Variants in TCEANC2 observed in about 807,000 individuals in gnomAD.
TCEANC2 encodes transcription elongation factor A N-terminal and central domain-containing protein 2.
Under a neutral mutation model 22.8 loss-of-function variants are expected in TCEANC2, and 20 were observed. The ratio of observed to expected loss-of-function variants is 0.88; its 90% confidence interval spans 0.62 to 1.28. The LOEUF is 1.28. Ranked by LOEUF, TCEANC2 falls within the 50% of genes most tolerant of loss-of-function variation. The pLI is 0.00. For synonymous variants in TCEANC2, 84 were observed against 95.5 expected, an observed-to-expected ratio of 0.88 and a Z score of 0.70; for missense variants, 251 against 249.7, an observed-to-expected ratio of 1.01 and a Z score of -0.03.
rs527955416 is a variant in TCEANC2, at chr1:54,098,518, T to C, written c.*2045T>C. Reference sequence around the variant, plus strand: ...CTATTCTTTAATGCTGTACCTAGCTTTATTTTTCTTCAGAATATTTATTAC... The same window carrying C: ...CTATTCTTTAATGCTGTACCTAGCTCTATTTTTCTTCAGAATATTTATTAC... On this transcript the variant is annotated 3_prime_UTR_variant, in exon 5 of 5. Transcript: ENST00000234827. The C allele has an allele frequency of 5.9e-5, 9 of 152,354 alleles. No homozygotes were observed. The highest frequency in any genetic ancestry group is 1.9e-4 in the African/African-American group (8 of 41,578). The allele number at this position is 152,354 out of a possible 1,614,324, so 9.4% of individuals were successfully genotyped here.
At position 54,096,138 on chromosome 1, in the gene TCEANC2, C is replaced by G; in HGVS notation, c.439-147C>G. 1 of 1,302,038 alleles carries G rather than the reference C, an allele frequency of 7.7e-7. No homozygotes were observed. Among genetic ancestry groups the G allele is most frequent in the Non-Finnish European group, 1.0e-6 (1 of 978,454 alleles). The allele number at this position is 1,302,038 out of a possible 1,614,324, so 80.7% of individuals were successfully genotyped here. A position where few individuals can be genotyped will look rare whatever the true frequency, so the allele number is the denominator to read the frequency against. On this transcript the variant is annotated intron_variant, in intron 4 of 4. Transcript: ENST00000234827. The surrounding 1 kb of genome is among the most constrained non-coding windows in gnomAD (Gnocchi z 4.9). ...TAATTGCCAGGGTGGAATTAATTTGCTCTTCCTGTTTCTCTTGTGACAGGA... is the reference window on the plus strand; with the variant it reads ...TAATTGCCAGGGTGGAATTAATTTGGTCTTCCTGTTTCTCTTGTGACAGGA...
intron 2 of TCEANC2, among the ~76,000 whole-genome samples, chr1:54,063,320 A>G (rs1657892116): frequency 2.0e-5 from 3 of 152,304 alleles, no homozygotes; most frequent in Non-Finnish European, 4.4e-5. Context: ...AGATGGAAAA[A>G]GAGTGGACAA....
At chr1:54,072,752 T>C (rs1658081788) in intron 3 of TCEANC2, among the ~76,000 whole-genome samples, 1 of 152,174 alleles carries the variant, frequency 6.6e-6, no homozygotes, top group Non-Finnish European at 1.5e-5. Context: ...AAATGTTTTT[T>C]ATAAATTTTT....
intron 4 of TCEANC2, chr1:54,089,999 C>T: frequency 1.5e-6 from 1 of 678,732 alleles, no homozygotes; most frequent in South Asian, 1.6e-5. Context: ...GAACCACTTT[C>T]TGTATTGCTA....
intron 3 of TCEANC2, among the ~76,000 whole-genome samples, chr1:54,081,101 C>T (rs1419151833): frequency 1.3e-5 from 2 of 152,284 alleles, no homozygotes; most frequent in South Asian, 4.1e-4. Context: ...CAAGTTACCT[C>T]GCCTCTCAGT....
At chr1:54,065,131 AACAGGT>A (rs1657926047) in intron 2 of TCEANC2, among the ~76,000 whole-genome samples, 1 of 152,242 alleles carries the variant, frequency 6.6e-6, no homozygotes, top group African/African-American at 2.4e-5. Flanking sequence ...ATGAAAAGAG[AACAGGT>A]AAGTTTGGAG....
chr1:54,090,328 A>G (rs540278519), intron 4 of TCEANC2, among the ~76,000 whole-genome samples: 2 of 152,358 alleles, frequency 1.3e-5, no homozygotes, highest in East Asian at 3.9e-4. Flanking sequence ...TTGTTAACAC[A>G]TTGGCACATT....
At chr1:54,070,909 G>A (rs1476831224) in intron 3 of TCEANC2, among the ~76,000 whole-genome samples, 1 of 152,188 alleles carries the variant, frequency 6.6e-6, no homozygotes, top group Non-Finnish European at 1.5e-5. Context: ...ATCATACAAT[G>A]TGATGAGTGC....
intron 3 of TCEANC2, among the ~76,000 whole-genome samples, chr1:54,077,160 G>A (rs1264056111): frequency 6.6e-6 from 1 of 152,132 alleles, no homozygotes; most frequent in Non-Finnish European, 1.5e-5. Flanking sequence ...GACCATAGAG[G>A]TGAGGGAAAA....
chr1:54,069,407 A>G (rs971742858), intron 3 of TCEANC2, among the ~76,000 whole-genome samples: 6 of 152,164 alleles, frequency 3.9e-5, no homozygotes, highest in South Asian at 4.1e-4. Context: ...CAGGAGTCCA[A>G]GACCAGCCAG....
intron 3 of TCEANC2, among the ~76,000 whole-genome samples, chr1:54,079,968 A>T (rs1658207649): frequency 6.6e-6 from 1 of 152,126 alleles, no homozygotes; most frequent in Non-Finnish European, 1.5e-5. Flanking sequence ...AAAATCTGAC[A>T]GAAGTGCCAG....
At chr1:54,084,671 G>A (rs912914009) in intron 3 of TCEANC2, among the ~76,000 whole-genome samples, 2 of 151,924 alleles carry the variant, frequency 1.3e-5, no homozygotes, top group Non-Finnish European at 2.9e-5. Context: ...AGACCAGCCT[G>A]GCCAACATGG....
At chr1:54,110,807 T>C (rs895002128), downstream of TCEANC2, among the ~76,000 whole-genome samples, 1 of 152,040 alleles carries the variant, frequency 6.6e-6, no homozygotes, top group African/African-American at 2.4e-5. Context: ...TACCCCTTCC[T>C]TGGGGCAGCT....
chr1:54,086,005 A>G lies in TCEANC2; in HGVS notation c.245-2592A>G, dbSNP rs561289983. On this transcript the variant is annotated intron_variant, in intron 3 of 4. Coordinates refer to ENST00000234827, the MANE Select transcript of TCEANC2 (RefSeq NM_153035.3). ...CATCTTGGCATCGCAAAGTGTTGAG[A>G]TTATAGGCATGAGCCACTGCACCCA... is the stretch of plus-strand genomic sequence containing the variant. 8.3e-4 allele frequency among the ~76,000 whole-genome samples: 127 copies of G among 152,268 alleles called. 1 individual carries two copies. The highest frequency in any genetic ancestry group is 3.0e-3 in the African/African-American group (123 of 41,556).
intron 2 of TCEANC2, among the ~76,000 whole-genome samples, chr1:54,062,336 A>G (rs959438790): frequency 6.6e-6 from 1 of 152,224 alleles, no homozygotes; most frequent in African/African-American, 2.4e-5. Context: ...TAATTTGAGC[A>G]ATCTATTTTC....
intron 2 of TCEANC2, among the ~76,000 whole-genome samples, chr1:54,060,085 G>A (rs115785778): frequency 0.022 from 3,411 of 152,156 alleles, 120 homozygotes; most frequent in African/African-American, 0.078. Context: ...TACATGGTGA[G>A]GCTACATGGT....
At chr1:54,054,621 G>T in intron 2 of TCEANC2, 97 bp downstream of exon 2, 1 of 1,223,014 alleles carries the variant, frequency 8.2e-7, no homozygotes, top group South Asian at 1.6e-5. Context: ...ATTATTTCTT[G>T]TTATGCCTCC....
intron 2 of TCEANC2, among the ~76,000 whole-genome samples, chr1:54,061,367 A>C (rs760126306): frequency 2.6e-5 from 4 of 152,200 alleles, no homozygotes; most frequent in African/African-American, 4.8e-5. Context: ...TCATATTGAA[A>C]GGGCTAACCA....
chr1:54,107,009 C>T (rs898930186), downstream of TCEANC2, among the ~76,000 whole-genome samples: 1 of 152,044 alleles, frequency 6.6e-6, no homozygotes, highest in African/African-American at 2.4e-5. Flanking sequence ...ATTAAAAGTC[C>T]ACTGTTGGTA....
Sources: gnomAD v4.1 joint callset for allele counts (sites outside exome capture counted in the v4.1 genomes callset) on GRCh38, gnomAD v4.1.1 for gene constraint, Gnocchi (gnomAD v3.1) non-coding constraint, MANE v1.5 for transcripts, NCBI Gene and HGNC (gene_info 2026-07-23, HGNC 2026-07-21) for gene names.